Variants in FGD6 observed in about 807,000 individuals in gnomAD.
FGD6 encodes the protein FYVE, RhoGEF and PH domain-containing protein 6.
Under a neutral mutation model 149.4 loss-of-function variants are expected in FGD6, and 90 were observed. The observed-to-expected ratio is 0.60, with a 90% CI of 0.51 to 0.72. FGD6 has a LOEUF of 0.72. Ranked by LOEUF, FGD6 falls within the 30% of genes least tolerant of loss-of-function variation. FGD6 has a pLI of 0.00. For missense variants in FGD6, 1,437 were observed against 1,684.8 expected (o/e 0.85, Z 2.57); for synonymous variants, 527 against 584.0 (o/e 0.90, Z 1.41).
chr12:95,194,705 T>A (rs1881692672), intron 2 of FGD6, among the ~76,000 whole-genome samples: 1 of 152,188 alleles, frequency 6.6e-6, no homozygotes, highest in African/African-American at 2.4e-5. Flanking sequence ...AATAAAATTA[T>A]ATAGAATTAA....
intron 2 of FGD6, among the ~76,000 whole-genome samples, chr12:95,205,491 C>A (rs1360244262): frequency 1.3e-5 from 2 of 152,144 alleles, no homozygotes; most frequent in East Asian, 3.9e-4. Flanking sequence ...CTTGTGATGA[C>A]CCCAGCAGAA....
At position 95,209,489 on chromosome 12, in the gene FGD6, T is replaced by G. The variant is rs1408795346; in HGVS notation, c.1795A>C (p.Thr599Pro). The change falls in exon 2 of 21, where the codon ACC becomes CCC. Residue 599 changes from threonine (T) to proline (P), a missense_variant. Physicochemically the swap from Thr to Pro is conservative, Grantham distance 38. Transcript: ENST00000343958. ...GATAACGATTTTGCTCTGGGCTTGGTTAGGGCTGTTGAAGGCTCACTGTTT... is the reference window on the plus strand; with the variant it reads ...GATAACGATTTTGCTCTGGGCTTGGGTAGGGCTGTTGAAGGCTCACTGTTT... Reference protein sequence around the residue: ...SSNSEPSTALTKPRAKSLSAM... With the variant: ...SSNSEPSTALPKPRAKSLSAM... 2 of 1,613,298 alleles carry G rather than the reference T, an allele frequency of 1.2e-6. No homozygotes were observed. The highest frequency in any genetic ancestry group is 1.7e-6 in the Non-Finnish European group (2 of 1,179,742).
chr12:95,211,954 G>T (rs552780690), intron 1 of FGD6, among the ~76,000 whole-genome samples: 2 of 152,238 alleles, frequency 1.3e-5, no homozygotes, highest in African/African-American at 4.8e-5. Context: ...GTTAAATGTA[G>T]GATGCAGCTC....
intron 8 of FGD6, chr12:95,126,466 C>T (rs568584281): frequency 5.4e-5 from 42 of 772,590 alleles, no homozygotes; most frequent in Non-Finnish European, 6.8e-5. Flanking sequence ...TGGTGGCTCA[C>T]GCCTGTAATC....
chr12:95,103,773 G>T (rs1878522616), intron 14 of FGD6, among the ~76,000 whole-genome samples: 1 of 152,114 alleles, frequency 6.6e-6, no homozygotes, highest in South Asian at 2.1e-4. Context: ...CTGACCTCAG[G>T]TGATCCACCC....
intron 2 of FGD6, among the ~76,000 whole-genome samples, chr12:95,199,614 CTTT>C (rs35515272): frequency 1.6e-5 from 2 of 128,700 alleles, no homozygotes; most frequent in Non-Finnish European, 1.6e-5. Flanking sequence ...GAAAAGCTAC[CTTT>C]TTTTTTTTTT....
chr12:95,077,196 TAGGA>T lies in FGD6; in HGVS notation c.*4320_*4323del, dbSNP rs1877521199. Reference sequence around the variant, plus strand: ...CTTAAAAAAAATCAGAAGGGATCCATAGGAAGGAATTTAATTCAGCAAATACTGA... The same window carrying T: ...CTTAAAAAAAATCAGAAGGGATCCATAGGAATTTAATTCAGCAAATACTGA... On this transcript the variant is annotated 3_prime_UTR_variant, in exon 21 of 21. Transcript: ENST00000343958. 2.6e-5 allele frequency: 4 copies of T among 152,120 alleles called. No individual in the cohort carries two copies. Among genetic ancestry groups the T allele is most frequent in the African/African-American group, 9.7e-5 (4 of 41,418 alleles). 9.4% of individuals were successfully genotyped at this position (152,120 alleles called of 1,614,324 possible).
chr12:95,107,837 A>G (rs1012894269), intron 11 of FGD6, among the ~76,000 whole-genome samples: 1 of 152,260 alleles, frequency 6.6e-6, no homozygotes, highest in East Asian at 1.9e-4. Context: ...GATAATTCCA[A>G]TATTGGCCCC....
intron 2 of FGD6, among the ~76,000 whole-genome samples, chr12:95,177,070 T>G (rs7310428): frequency 0.34 from 51,297 of 151,994 alleles, 8,994 homozygotes; most frequent in African/African-American, 0.36. Context: ...TCAGGTGATC[T>G]GCCTGCCTCA....
At chr12:95,184,787 T>C (rs571677604) in intron 2 of FGD6, among the ~76,000 whole-genome samples, 9 of 152,300 alleles carry the variant, frequency 5.9e-5, no homozygotes, top group African/African-American at 2.2e-4. Flanking sequence ...TTCGCCATGT[T>C]GGCCAAGCTG....
chr12:95,217,379 T>G lies in FGD6; in HGVS notation c.-139A>C. 7.6e-7 allele frequency: 1 copy of G among 1,307,506 alleles called. No individual in the cohort carries two copies. Among genetic ancestry groups the G allele is most frequent in the Non-Finnish European group, 1.0e-6 (1 of 991,242 alleles). 81.0% of individuals were successfully genotyped at this position (1,307,506 alleles called of 1,614,324 possible). On this transcript the variant is annotated 5_prime_UTR_variant, in exon 1 of 21. Coordinates refer to ENST00000343958, the MANE Select transcript of FGD6 (RefSeq NM_018351.4). ...CGTCCCGCCGCCCCGCGGCGCAGCC[T>G]GAGCGCCACACAAAGGACGCGGCCG... is the stretch of plus-strand genomic sequence containing the variant.
intron 2 of FGD6, among the ~76,000 whole-genome samples, chr12:95,198,280 G>A (rs1311745975): frequency 6.6e-6 from 1 of 152,150 alleles, no homozygotes; most frequent in Admixed American, 6.5e-5. Flanking sequence ...CTGTGCCCTT[G>A]AGCAAGTTAT....
At chr12:95,214,520 G>A (rs2056742917) in intron 1 of FGD6, among the ~76,000 whole-genome samples, 1 of 152,006 alleles carries the variant, frequency 6.6e-6, no homozygotes, top group South Asian at 2.1e-4. Flanking sequence ...TGAAATAAGT[G>A]CATGACATTT....
At chr12:95,157,773 G>A (rs1402365822) in intron 3 of FGD6, among the ~76,000 whole-genome samples, 2 of 152,160 alleles carry the variant, frequency 1.3e-5, no homozygotes, top group East Asian at 3.9e-4. Context: ...AGATGAATAT[G>A]ACCTCTATTC....
chr12:95,210,360 A>G lies in FGD6; in HGVS notation c.924T>C (p.Tyr308=). ...LGPLEIHLVP[Y]TPKFPTPKPR... The stretch of plus-strand genomic sequence containing the variant: ...GCTTGGGAGTTGGAAATTTTGGGGT[A>G]TATGGTACTAAATGAATTTCTAAGG... Residue 308 remains tyrosine (Y), a synonymous_variant, in exon 2 of 21, where the codon TAT becomes TAC. Coordinates refer to ENST00000343958, the MANE Select transcript of FGD6 (RefSeq NM_018351.4). The G allele has an allele frequency of 1.9e-6, 3 of 1,613,882 alleles. No individual in the cohort carries two copies. Among genetic ancestry groups the G allele is most frequent in the Non-Finnish European group, 2.5e-6 (3 of 1,179,980 alleles).
intron 3 of FGD6, among the ~76,000 whole-genome samples, chr12:95,167,577 GT>G (rs57751064): frequency 1.4e-4 from 19 of 138,332 alleles, no homozygotes; most frequent in East Asian, 1.0e-3. Flanking sequence ...ACTGTTTGAG[GT>G]TTTTTTTTTT....
chr12:95,153,948 A>AGTGTGTGTGTGT (rs796395338), intron 3 of FGD6, among the ~76,000 whole-genome samples: 5 of 141,168 alleles, frequency 3.5e-5, no homozygotes, highest in South Asian at 2.3e-4. Flanking sequence ...TGTGTGTGTG[A>AGTGTGTGTGTGT]GTGAGAGAGA....
At position 95,089,636 on chromosome 12, in the gene FGD6, A is replaced by AG; in HGVS notation, c.3910_3911insC (p.Leu1304SerfsTer7). The stretch of plus-strand genomic sequence containing the variant: ...TGGAATGCTATGTAAGACTGATGAT[A>AG]AGGCACTTGAAGGAGATTTGTGATT... On this transcript the variant is annotated frameshift_variant, in exon 18 of 21. Coordinates refer to ENST00000343958, the MANE Select transcript of FGD6 (RefSeq NM_018351.4). LOFTEE classifies it high-confidence loss of function. 6.2e-7 allele frequency: 1 copy of AG among 1,614,004 alleles called. No homozygotes were observed. The highest frequency in any genetic ancestry group is 2.2e-5 in the East Asian group (1 of 44,870).
chr12:95,173,526 G>A (rs550900864), intron 2 of FGD6, among the ~76,000 whole-genome samples: 5 of 152,174 alleles, frequency 3.3e-5, no homozygotes, highest in South Asian at 4.1e-4. Context: ...AGGTTCCTCC[G>A]TTTGTTTTAA....
Sources: allele counts gnomAD v4.1 joint callset (sites outside exome capture counted in the v4.1 genomes callset), GRCh38; gene constraint gnomAD v4.1.1; transcripts MANE v1.5; gene names NCBI Gene and HGNC (gene_info 2026-07-23, HGNC 2026-07-21).